TCF7L1: variants seen among roughly 807,000 people sequenced by gnomAD.
TCF7L1 encodes transcription factor 7 like 1, also known as transcription factor 7-like 1.
TCF7L1 carries 18 observed loss-of-function variants against 63.7 expected under a neutral mutation model. The observed-to-expected ratio is 0.28, with a 90% CI of 0.20 to 0.42. TCF7L1 has a LOEUF of 0.42. Among genes scored for constraint, TCF7L1 ranks in the 10% least tolerant of loss-of-function variants. The pLI, the probability that TCF7L1 is intolerant of heterozygous loss-of-function variation, is 1.00. For missense variants in TCF7L1, 654 were observed against 779.3 expected (o/e 0.84, Z 1.91); for synonymous variants, 355 against 340.9 (o/e 1.04, Z -0.46).
rs1682241481 is a variant in TCF7L1 at position 85,309,978 on chromosome 2, C to G, written c.*516C>G. On this transcript the variant is annotated 3_prime_UTR_variant, in exon 12 of 12. Coordinates refer to ENST00000282111, the MANE Select transcript of TCF7L1 (RefSeq NM_031283.3). ...TGAGAAGACATCTTGGCCTGATTTG[C>G]TGCCACCAGCGTCCCCTCCCTCAGT... 6.5e-6 allele frequency: 1 copy of G among 153,142 alleles called. No homozygotes were observed. The highest frequency in any genetic ancestry group is 2.4e-5 in the African/African-American group (1 of 41,498). 9.5% of individuals were successfully genotyped at this position (153,142 alleles called of 1,614,324 possible).
At chr2:85,136,433 C>T (rs1260917236) in intron 3 of TCF7L1, among the ~76,000 whole-genome samples, 3 of 152,154 alleles carry the variant, frequency 2.0e-5, no homozygotes, top group Admixed American at 1.3e-4. Context: ...AATCCAGGCC[C>T]GTGTGGGATT....
intron 3 of TCF7L1, among the ~76,000 whole-genome samples, chr2:85,160,830 G>A (rs528340771): frequency 2.0e-5 from 3 of 152,232 alleles, no homozygotes; most frequent in East Asian, 3.9e-4. Flanking sequence ...CAGCCTGGGG[G>A]ACAGAGCAGG....
chr2:85,162,295 C>A (rs1258716063), intron 3 of TCF7L1, among the ~76,000 whole-genome samples: 1 of 152,032 alleles, frequency 6.6e-6, no homozygotes. Context: ...ACTTCTGTGC[C>A]CAGAATCTCT....
rs539439720 is a variant in TCF7L1 at position 85,145,527 on chromosome 2, A to G, written c.441+11077A>G. 2.6e-5 allele frequency among the ~76,000 whole-genome samples: 4 copies of G among 152,370 alleles called. No homozygotes were observed. In the South Asian group the frequency reaches 8.3e-4, roughly 32 times the overall value. On this transcript the variant is annotated intron_variant, in intron 3 of 11. Transcript: ENST00000282111. ...TGTAAATTCCAAAAAAGGATATGTC[A>G]GGGTCATTAAACTCAGCCGGATTTG...
intron 3 of TCF7L1, among the ~76,000 whole-genome samples, chr2:85,271,721 A>G (rs1296085410): frequency 6.6e-6 from 1 of 152,220 alleles, no homozygotes; most frequent in Non-Finnish European, 1.5e-5. Context: ...CACCTTTTAT[A>G]TGAGATACTC....
In TCF7L1 at chr2:85,134,081, T is replaced by C. The variant is rs760478347; in HGVS notation, c.313+2T>C. On this transcript the variant is annotated splice_donor_variant, in intron 2 of 11. Coordinates refer to ENST00000282111, the MANE Select transcript of TCF7L1 (RefSeq NM_031283.3). LOFTEE classifies it high-confidence loss of function. The surrounding 1 kb of genome is among the most constrained non-coding windows in gnomAD (Gnocchi z 5.0). ...AGCCGCGGGACTATTTCGCCGAAGG[T>C]ATGTGCCCGCTGGGACAGCCCCCCA... 6.2e-7 allele frequency: 1 copy of C among 1,609,242 alleles called. No homozygotes were observed. The highest frequency in any genetic ancestry group is 1.7e-5 in the Admixed American group (1 of 59,844).
intron 3 of TCF7L1, among the ~76,000 whole-genome samples, chr2:85,174,386 T>C (rs1678628755): frequency 6.6e-6 from 1 of 152,156 alleles, no homozygotes; most frequent in Non-Finnish European, 1.5e-5. Flanking sequence ...CATTCATCAT[T>C]TGGGTTCGTT....
chr2:85,182,993 C>T (rs1215874594), intron 3 of TCF7L1, among the ~76,000 whole-genome samples: 3 of 152,172 alleles, frequency 2.0e-5, no homozygotes, highest in Admixed American at 6.5e-5. Context: ...TCTAGGGCTT[C>T]GTGGTTCCTC....
chr2:85,268,471 CTTTTTTTTTT>C (rs554305734), intron 3 of TCF7L1, among the ~76,000 whole-genome samples: 1 of 134,814 alleles, frequency 7.4e-6, no homozygotes, highest in African/African-American at 2.7e-5. Flanking sequence ...GATTGGATGC[CTTTTTTTTTT>C]TTTTTTTTTG....
At chr2:85,205,373 C>CTTA (rs1553398997) in intron 3 of TCF7L1, among the ~76,000 whole-genome samples, 1 of 152,056 alleles carries the variant, frequency 6.6e-6, no homozygotes, top group Non-Finnish European at 1.5e-5. Context: ...CTTTGTCTTC[C>CTTA]GGCTGTAGCA....
At chr2:85,210,075 A>G (rs762210009) in intron 3 of TCF7L1, among the ~76,000 whole-genome samples, 1 of 152,192 alleles carries the variant, frequency 6.6e-6, no homozygotes, top group Non-Finnish European at 1.5e-5. Flanking sequence ...TGAACTGGAT[A>G]TAGTCTTCAC....
At chr2:85,147,330 T>C (rs1051312222) in intron 3 of TCF7L1, among the ~76,000 whole-genome samples, 1 of 152,152 alleles carries the variant, frequency 6.6e-6, no homozygotes, top group Non-Finnish European at 1.5e-5. Flanking sequence ...CTGTCCTCAC[T>C]CTGTGGAATC....
intron 3 of TCF7L1, among the ~76,000 whole-genome samples, chr2:85,238,909 T>C (rs1558642837): frequency 2.0e-5 from 3 of 151,774 alleles, no homozygotes; most frequent in Admixed American, 1.3e-4. Flanking sequence ...TGACTCCGCC[T>C]CCCGAGGTCA....
chr2:85,241,830 T>TA (rs923039544), intron 3 of TCF7L1, among the ~76,000 whole-genome samples: 1 of 152,072 alleles, frequency 6.6e-6, no homozygotes, highest in Non-Finnish European at 1.5e-5. Flanking sequence ...CTTAGAAACT[T>TA]AAAAAAAGAA....
In TCF7L1 at chr2:85,278,402, A is replaced by G. The variant is rs368529345; in HGVS notation, c.442-5093A>G. Among the ~76,000 whole-genome samples the G allele has an allele frequency of 3.9e-5, 6 of 152,390 alleles. No individual in the cohort carries two copies. In the South Asian group the frequency reaches 1.2e-3, roughly 32 times the overall value. Reference sequence around the variant, plus strand: ...TTGTTCACCTTTACTTAGGAATGTAAAAGTCAAAAATTTAAAACATGACTA... The same window carrying G: ...TTGTTCACCTTTACTTAGGAATGTAGAAGTCAAAAATTTAAAACATGACTA... On this transcript the variant is annotated intron_variant, in intron 3 of 11. Coordinates refer to ENST00000282111, the MANE Select transcript of TCF7L1 (RefSeq NM_031283.3).
chr2:85,162,720 C>G (rs1009662519), intron 3 of TCF7L1, among the ~76,000 whole-genome samples: 1 of 152,012 alleles, frequency 6.6e-6, no homozygotes, highest in African/African-American at 2.4e-5. Flanking sequence ...TGTGGTACGC[C>G]CCGTTTTGTG....
At chr2:85,158,349 G>T (rs572389553) in intron 3 of TCF7L1, among the ~76,000 whole-genome samples, 7 of 152,270 alleles carry the variant, frequency 4.6e-5, no homozygotes, top group African/African-American at 1.4e-4. Flanking sequence ...CTCTCCTTTT[G>T]GGTCTGGTGT....
intron 3 of TCF7L1, among the ~76,000 whole-genome samples, chr2:85,280,190 A>G (rs1349447011): frequency 6.6e-6 from 1 of 152,094 alleles, no homozygotes; most frequent in Non-Finnish European, 1.5e-5. Context: ...GCCCCAGGAG[A>G]CATTTGGCAA....
At chr2:85,168,079 A>G (rs1308416909) in intron 3 of TCF7L1, among the ~76,000 whole-genome samples, 1 of 152,158 alleles carries the variant, frequency 6.6e-6, no homozygotes, top group East Asian at 1.9e-4. Context: ...AAAGTTACAG[A>G]TATGAGATGA....
Sources: allele counts gnomAD v4.1 joint callset (sites outside exome capture counted in the v4.1 genomes callset), GRCh38; gene constraint gnomAD v4.1.1; non-coding constraint Gnocchi (gnomAD v3.1); transcripts MANE v1.5; gene names NCBI Gene and HGNC (gene_info 2026-07-23, HGNC 2026-07-21).